The following AHI1 variants were observed in gnomAD, a reference collection of about 807,000 sequenced individuals.
The protein encoded by AHI1 is jouberin.
In AHI1, 123 loss-of-function variants were observed where a neutral mutation model predicts 149.3. The observed-to-expected ratio is 0.82, with a 90% CI of 0.71 to 0.96. AHI1 has a LOEUF of 0.96. Ranked by LOEUF, AHI1 falls within the 40% of genes least tolerant of loss-of-function variation. The pLI, the probability that AHI1 is intolerant of heterozygous loss-of-function variation, is 0.00. For missense variants in AHI1, 1,439 were observed against 1,422.7 expected, an observed-to-expected ratio of 1.01 and a Z score of -0.18; for synonymous variants, 475 against 459.8, an observed-to-expected ratio of 1.03 and a Z score of -0.42.
intron 23 of AHI1, among the ~76,000 whole-genome samples, chr6:135,377,470 T>G (rs954373068): frequency 2.0e-5 from 3 of 147,808 alleles, no homozygotes; most frequent in African/African-American, 7.9e-5. Context: ...GAGTTATTTA[T>G]TTATTTATTT....
intron 8 of AHI1, among the ~76,000 whole-genome samples, chr6:135,458,654 G>T (rs1789363864): frequency 6.6e-6 from 1 of 152,152 alleles, no homozygotes; most frequent in South Asian, 2.1e-4. Flanking sequence ...CTGGCAGAAG[G>T]TTGCTACTGA....
intron 25 of AHI1, among the ~76,000 whole-genome samples, chr6:135,319,574 A>G (rs1313445507): frequency 6.6e-6 from 1 of 152,252 alleles, no homozygotes; most frequent in East Asian, 1.9e-4. Context: ...GTTGAATTTA[A>G]GATTCTTACA....
chr6:135,380,744 C>CAA (rs138451119), intron 23 of AHI1, among the ~76,000 whole-genome samples: 1 of 100,462 alleles, frequency 1.0e-5, no homozygotes, highest in African/African-American at 5.1e-5. Context: ...CCCCCCCCCC[C>CAA]AAAAAAAAAG....
chr6:135,408,348 AG>A (rs1474447660), intron 21 of AHI1, among the ~76,000 whole-genome samples: 2 of 152,126 alleles, frequency 1.3e-5, no homozygotes, highest in African/African-American at 4.8e-5. Flanking sequence ...TCATCTTTAA[AG>A]CTCAATGTAT....
chr6:135,390,049 C>T (rs1778258182), intron 23 of AHI1, among the ~76,000 whole-genome samples: 1 of 151,624 alleles, frequency 6.6e-6, no homozygotes, highest in African/African-American at 2.4e-5. Context: ...CATGAGCAAT[C>T]GTTAGTATTA....
chr6:135,326,418 C>A (rs968933913), intron 24 of AHI1, among the ~76,000 whole-genome samples: 1 of 148,570 alleles, frequency 6.7e-6, no homozygotes, highest in Admixed American at 6.6e-5. Context: ...AAATAAATTT[C>A]TTCTTCTTCT....
chr6:135,387,971 G>C, intron 23 of AHI1: 1 of 1,613,610 alleles, frequency 6.2e-7, no homozygotes, highest in Non-Finnish European at 8.5e-7. Flanking sequence ...CTGGCTGGCT[G>C]ACCCTGAGTC....
In AHI1 at chr6:135,449,920, C is replaced by T. The variant is rs147206057; in HGVS notation, c.1441-1445G>A. 2.9e-4 allele frequency among the ~76,000 whole-genome samples: 44 copies of T among 152,242 alleles called. 1 individual carries two copies. In the East Asian group the frequency reaches 7.2e-3, roughly 25 times the overall value. On this transcript the variant is annotated intron_variant, in intron 11 of 28. Transcript: ENST00000265602. ...TACCAAAACAGTGTAACTCTAAGTTCGTAAATCTGGGAGAGTGGACAGATG... is the reference window on the plus strand; with the variant it reads ...TACCAAAACAGTGTAACTCTAAGTTTGTAAATCTGGGAGAGTGGACAGATG...
At chr6:135,453,461 A>G (rs1362059477) in intron 10 of AHI1, 25 bp from the exon 11 acceptor site, 2 of 1,451,716 alleles carry the variant, frequency 1.4e-6, no homozygotes, top group African/African-American at 1.4e-5. Flanking sequence ...ACAGAAGACT[A>G]AGCTACCTAA....
intron 5 of AHI1, among the ~76,000 whole-genome samples, chr6:135,487,038 T>C (rs1794578406): frequency 6.6e-6 from 1 of 152,180 alleles, no homozygotes; most frequent in South Asian, 2.1e-4. Flanking sequence ...AGTCTTGGGA[T>C]TACAGGCATG....
intron 23 of AHI1, among the ~76,000 whole-genome samples, chr6:135,366,721 C>A (rs1045839084): frequency 3.9e-5 from 6 of 152,100 alleles, no homozygotes; most frequent in Non-Finnish European, 8.8e-5. Context: ...TTTTGTTAAT[C>A]TTTTCAAAGA....
At position 135,406,284 on chromosome 6, in the gene AHI1, A is replaced by G. The variant is rs1312364564; in HGVS notation, c.2962-1307T>C. 3.9e-5 allele frequency among the ~76,000 whole-genome samples: 6 copies of G among 152,158 alleles called. No individual in the cohort carries two copies. In the East Asian group the frequency reaches 1.2e-3, roughly 29 times the overall value. ...ATCTGGAATACCTATTAATTTTTTT[A>G]TCTATAAATTTCTAAGAGCCAGATA... On this transcript the variant is annotated intron_variant, in intron 21 of 28. Coordinates refer to ENST00000265602, the MANE Select transcript of AHI1 (RefSeq NM_001134831.2).
intron 5 of AHI1, among the ~76,000 whole-genome samples, chr6:135,489,166 C>T (rs773669892): frequency 7.7e-4 from 117 of 152,160 alleles, no homozygotes; most frequent in Middle Eastern, 3.4e-3. Flanking sequence ...TTTTGAGCTG[C>T]GAAATATCTT....
intron 24 of AHI1, among the ~76,000 whole-genome samples, chr6:135,345,210 T>A (rs1339126087): frequency 6.6e-6 from 1 of 152,198 alleles, no homozygotes; most frequent in Non-Finnish European, 1.5e-5. Flanking sequence ...GCAACACTCA[T>A]TCATGTCTGG....
At chr6:135,298,784 G>A (rs1183525913) in intron 27 of AHI1, among the ~76,000 whole-genome samples, 3 of 152,168 alleles carry the variant, frequency 2.0e-5, no homozygotes, top group African/African-American at 7.2e-5. Flanking sequence ...TGTTTGTGAG[G>A]TTTTATTGAA....
At chr6:135,393,065 G>A (rs1354911716) in intron 23 of AHI1, among the ~76,000 whole-genome samples, 1 of 152,164 alleles carries the variant, frequency 6.6e-6, no homozygotes, top group Non-Finnish European at 1.5e-5. Context: ...TTCTGAGATA[G>A]TATGTGCAGG....
At chr6:135,394,719 C>T in intron 23 of AHI1, 57 bp downstream of exon 23, 1 of 1,595,842 alleles carries the variant, frequency 6.3e-7, no homozygotes. Context: ...TGATATTCAT[C>T]AACACAACAA....
At chr6:135,380,978 T>A (rs565119050) in intron 23 of AHI1, among the ~76,000 whole-genome samples, 1 of 152,260 alleles carries the variant, frequency 6.6e-6, no homozygotes, top group African/African-American at 2.4e-5. Flanking sequence ...AAGTTATTTT[T>A]AAAAATATGC....
chr6:135,355,000 G>C (rs1230847088), intron 24 of AHI1, among the ~76,000 whole-genome samples: 2 of 152,170 alleles, frequency 1.3e-5, no homozygotes, highest in South Asian at 2.1e-4. Context: ...CTAAACGCCA[G>C]AATGCAAAGA....
Sources: allele counts gnomAD v4.1 joint callset (sites outside exome capture counted in the v4.1 genomes callset), GRCh38; gene constraint gnomAD v4.1.1; transcripts MANE v1.5; gene names NCBI Gene and HGNC (gene_info 2026-07-23, HGNC 2026-07-21).